FBXO42: variants seen among roughly 807,000 people sequenced by gnomAD.
FBXO42 encodes F-box protein 42.
A neutral mutation model predicts 71.7 loss-of-function variants in FBXO42; 12 were observed. That is an observed-to-expected ratio of 0.17 (90% CI 0.11 to 0.27). The LOEUF (loss-of-function observed/expected upper bound fraction) is 0.27, where lower values mean the gene tolerates loss of function less well. FBXO42 is among the 10% of genes least tolerant of loss of function. The pLI, the probability that FBXO42 is intolerant of heterozygous loss-of-function variation, is 1.00. For missense variants in FBXO42, 707 were observed against 911.9 expected (o/e 0.78, Z 2.89); for synonymous variants, 325 against 327.5 (o/e 0.99, Z 0.08).
At position 16,251,887 on chromosome 1, in the gene FBXO42, T is replaced by C; in HGVS notation, c.1039-102A>G. The stretch of plus-strand genomic sequence containing the variant: ...AGCATCTGTCATGTGCCAGACATTT[T>C]GTAGGTACCTGAGATATGAAGATGA... On this transcript the variant is annotated intron_variant, in intron 9 of 9. Coordinates refer to ENST00000375592, the MANE Select transcript of FBXO42 (RefSeq NM_018994.3). The surrounding 1 kb of genome is among the most constrained non-coding windows in gnomAD (Gnocchi z 4.5). 7.1e-7 allele frequency: 1 copy of C among 1,400,494 alleles called. No individual in the cohort carries two copies. Among genetic ancestry groups the C allele is most frequent in the Non-Finnish European group, 9.6e-7 (1 of 1,039,462 alleles). The allele number at this position is 1,400,494 out of a possible 1,614,324, so 86.8% of individuals were successfully genotyped here.
chr1:16,313,414 T>A (rs1277998452), intron 2 of FBXO42, among the ~76,000 whole-genome samples: 4 of 151,554 alleles, frequency 2.6e-5, no homozygotes, highest in Non-Finnish European at 5.9e-5. Flanking sequence ...AAAGAAAACC[T>A]AAGGATAAAT....
intron 3 of FBXO42, among the ~76,000 whole-genome samples, chr1:16,300,112 A>G (rs1250418607): frequency 6.6e-6 from 1 of 152,222 alleles, no homozygotes; most frequent in East Asian, 1.9e-4. Context: ...GTGCTCCAGT[A>G]GTAATTTCCC....
At chr1:16,270,938 A>AG (rs1006576819) in intron 4 of FBXO42, among the ~76,000 whole-genome samples, 49 of 151,610 alleles carry the variant, frequency 3.2e-4, no homozygotes, top group African/African-American at 1.1e-3. Flanking sequence ...ATAAGTGCCA[A>AG]GGGGGGAAAA....
At chr1:16,307,739 C>T (rs1006817427) in intron 2 of FBXO42, among the ~76,000 whole-genome samples, 1 of 152,030 alleles carries the variant, frequency 6.6e-6, no homozygotes, top group African/African-American at 2.4e-5. Context: ...AAAATACATA[C>T]AAAATCTATA....
intron 1 of FBXO42, among the ~76,000 whole-genome samples, chr1:16,322,306 G>C (rs188785063): frequency 1.3e-5 from 2 of 152,246 alleles, no homozygotes; most frequent in African/African-American, 2.4e-5. Flanking sequence ...GGCCAGGCGT[G>C]ATGGCTCACA....
chr1:16,313,161 A>G (rs2082329670), intron 2 of FBXO42, among the ~76,000 whole-genome samples: 1 of 141,010 alleles, frequency 7.1e-6, no homozygotes, highest in Admixed American at 7.0e-5. Context: ...AAAAAAGTCT[A>G]CTAAAATTAA....
In FBXO42 at chr1:16,251,543, G is replaced by C. The variant is rs747774802; in HGVS notation, c.1281C>G (p.Ser427Arg). Residue 427 changes from serine (S) to arginine (R), a missense_variant, in exon 10 of 10, where the codon AGC becomes AGG. Transcript: ENST00000375592. The surrounding 1 kb of genome is among the most constrained non-coding windows in gnomAD (Gnocchi z 4.5). ...RQTPSGSREG[S>R]LSPARGDGSP... ...AGCCGTCTCCTCTGGCTGGGGAAAG[G>C]CTCCCTTCCCGGGAACCTGAAGGAG... 8 of 1,614,144 alleles carry C rather than the reference G, an allele frequency of 5.0e-6. No individual in the cohort carries two copies. The highest frequency in any genetic ancestry group is 5.9e-6 in the Non-Finnish European group (7 of 1,180,006).
At chr1:16,281,205 G>A (rs1569853683) in intron 4 of FBXO42, among the ~76,000 whole-genome samples, 1 of 152,036 alleles carries the variant, frequency 6.6e-6, no homozygotes, top group African/African-American at 2.4e-5. Context: ...CAGGTGATCC[G>A]CCCGCCTCGG....
intron 3 of FBXO42, among the ~76,000 whole-genome samples, chr1:16,296,825 A>C (rs1008072953): frequency 4.6e-5 from 7 of 151,956 alleles, no homozygotes; most frequent in Non-Finnish European, 8.8e-5. Flanking sequence ...AGTTCAGAAA[A>C]AGGGAAATGC....
At chr1:16,293,931 T>C (rs2082104935) in intron 4 of FBXO42, 1 of 152,130 alleles carries the variant, frequency 6.6e-6, no homozygotes, top group Non-Finnish European at 1.5e-5. Context: ...CCAGTGCCCT[T>C]TCTAATATAC....
intron 4 of FBXO42, among the ~76,000 whole-genome samples, chr1:16,258,020 T>C: frequency 6.6e-6 from 1 of 152,122 alleles, no homozygotes; most frequent in East Asian, 1.9e-4. Context: ...TTTTTCTTTT[T>C]GGTTAAAGCT....
Position 16,248,479 on chromosome 1 carries a change from G to A in FBXO42, c.*2191C>T, listed in dbSNP as rs1242701200. On this transcript the variant is annotated 3_prime_UTR_variant, in exon 10 of 10. Coordinates refer to ENST00000375592, the MANE Select transcript of FBXO42 (RefSeq NM_018994.3). ...GGAAGGAATCAACACGTTAACAGCT[G>A]GCTTAGGAAGGCCACAGGACTAAGG... is the stretch of plus-strand genomic sequence containing the variant. 6.6e-6 allele frequency: 1 copy of A among 152,200 alleles called. No individual in the cohort carries two copies. The highest frequency in any genetic ancestry group is 1.5e-5 in the Non-Finnish European group (1 of 68,042). 9.4% of individuals were successfully genotyped at this position (152,200 alleles called of 1,614,324 possible). A position where few individuals can be genotyped will look rare whatever the true frequency, so the allele number is the denominator to read the frequency against.
At chr1:16,341,286 C>T (rs901240084) in intron 1 of FBXO42, among the ~76,000 whole-genome samples, 16 of 152,168 alleles carry the variant, frequency 1.1e-4, no homozygotes, top group Admixed American at 9.8e-4. Context: ...CTTGGCAATT[C>T]CTCCTCAAAG....
intron 1 of FBXO42, among the ~76,000 whole-genome samples, chr1:16,346,697 A>AG (rs910316963): frequency 1.3e-5 from 2 of 151,244 alleles, no homozygotes; most frequent in African/African-American, 4.9e-5. Flanking sequence ...CGGGGAAAAA[A>AG]AAAAAAAAAC....
At chr1:16,347,274 G>A (rs897229882) in intron 1 of FBXO42, among the ~76,000 whole-genome samples, 4 of 152,002 alleles carry the variant, frequency 2.6e-5, no homozygotes, top group African/African-American at 9.7e-5. Context: ...CTAGCACTTT[G>A]GGAGGCTGAG....
chr1:16,281,193 C>G (rs545711220), intron 4 of FBXO42, among the ~76,000 whole-genome samples: 1 of 152,260 alleles, frequency 6.6e-6, no homozygotes, highest in African/African-American at 2.4e-5. Context: ...AACTCCTGAC[C>G]TCAGGTGATC....
intron 4 of FBXO42, among the ~76,000 whole-genome samples, chr1:16,272,441 T>G (rs1569840192): frequency 6.6e-6 from 1 of 152,136 alleles, no homozygotes; most frequent in East Asian, 2.0e-4. Flanking sequence ...GTATTTTAAG[T>G]AGAGACCGGG....
At chr1:16,305,695 T>TA in intron 3 of FBXO42, 108 bp downstream of exon 3, 2 of 911,248 alleles carry the variant, frequency 2.2e-6, no homozygotes, top group Non-Finnish European at 3.6e-6. Context: ...GCTTGGGTGA[T>TA]AGAGTGAGAC....
At chr1:16,345,150 G>A (rs943452071) in intron 1 of FBXO42, among the ~76,000 whole-genome samples, 5 of 151,994 alleles carry the variant, frequency 3.3e-5, no homozygotes, top group African/African-American at 4.8e-5. Flanking sequence ...TGAGCCAGGC[G>A]CGGCAGCTCA....
Sources: gnomAD v4.1 joint callset for allele counts (sites outside exome capture counted in the v4.1 genomes callset) on GRCh38, gnomAD v4.1.1 for gene constraint, Gnocchi (gnomAD v3.1) non-coding constraint, MANE v1.5 for transcripts, NCBI Gene and HGNC (gene_info 2026-07-23, HGNC 2026-07-21) for gene names.